CNIH3: variants seen among roughly 807,000 people sequenced by gnomAD.
The protein encoded by CNIH3 is protein cornichon homolog 3.
CNIH3 carries 14 observed loss-of-function variants against 24.1 expected under a neutral mutation model. The ratio of observed to expected loss-of-function variants is 0.58; its 90% CI spans 0.38 to 0.91. The LOEUF (loss-of-function observed/expected upper bound fraction) is 0.91. Among genes scored for constraint, CNIH3 ranks in the 40% least tolerant of loss-of-function variants. The pLI is 0.00. For missense variants in CNIH3, 178 were observed against 196.8 expected (o/e 0.90, Z 0.57); for synonymous variants, 68 against 73.8 (o/e 0.92, Z 0.40).
intron 1 of CNIH3, among the ~76,000 whole-genome samples, chr1:224,453,937 C>G (rs1321533752): frequency 1.3e-5 from 2 of 152,102 alleles, no homozygotes; most frequent in African/African-American, 4.8e-5. Flanking sequence ...TGTTTAGACA[C>G]TAGTCATATT....
rs1402868036 is a variant in CNIH3 at position 224,734,569 on chromosome 1, C to T, written c.318C>T (p.Phe106=). 2 of 1,614,014 alleles carry T rather than the reference C, an allele frequency of 1.2e-6. No homozygotes were observed. Among genetic ancestry groups the T allele is most frequent in the Non-Finnish European group, 8.5e-7 (1 of 1,179,984 alleles). Residue 106 remains phenylalanine (F), a synonymous_variant, in exon 5 of 6, where the codon TTC becomes TTT. Coordinates refer to ENST00000272133, the MANE Select transcript of CNIH3 (RefSeq NM_152495.2). ...ATGTCCTCTCTCCCTGCAGGTATTT[C>T]CACTGTCCAGCAGATAGCTCAGAAC... ...PLLFYHFWRY[F]HCPADSSELA...
chr1:224,472,628 A>G (rs1264578629), intron 1 of CNIH3, among the ~76,000 whole-genome samples: 1 of 152,150 alleles, frequency 6.6e-6, no homozygotes, highest in Non-Finnish European at 1.5e-5. Flanking sequence ...GACTTTGGGG[A>G]CCTGGGGAAA....
intron 1 of CNIH3, among the ~76,000 whole-genome samples, chr1:224,501,468 G>A (rs909955769): frequency 6.7e-6 from 1 of 150,112 alleles, no homozygotes; most frequent in Admixed American, 6.6e-5. Context: ...AATTGCCCAA[G>A]GTCACATGCT....
chr1:224,624,932 T>C (rs1378061191), intron 1 of CNIH3, among the ~76,000 whole-genome samples: 1 of 152,202 alleles, frequency 6.6e-6, no homozygotes, highest in African/African-American at 2.4e-5. Context: ...CCCGACTGGC[T>C]CTGCTGCAGC....
intron 1 of CNIH3, chr1:224,454,392 G>A (rs1172877900): frequency 1.2e-6 from 1 of 840,150 alleles, no homozygotes; most frequent in African/African-American, 1.9e-5. Flanking sequence ...TAATTGAAAT[G>A]TCATAAACCA....
At chr1:224,570,434 C>G (rs1680768798) in intron 4 of CNIH3, among the ~76,000 whole-genome samples, 2 of 152,192 alleles carry the variant, frequency 1.3e-5, no homozygotes, top group South Asian at 4.1e-4. Context: ...TTTTCTGTTT[C>G]TGCATTAATT....
chr1:224,571,374 G>T (rs576303496), intron 4 of CNIH3, among the ~76,000 whole-genome samples: 2 of 152,284 alleles, frequency 1.3e-5, no homozygotes, highest in South Asian at 4.1e-4. Flanking sequence ...CAAAACATAT[G>T]AAATAACAGA....
chr1:224,481,745 C>T (rs1296292250), intron 1 of CNIH3, among the ~76,000 whole-genome samples: 2 of 152,220 alleles, frequency 1.3e-5, no homozygotes, highest in African/African-American at 4.8e-5. Flanking sequence ...CTGCTGTAAC[C>T]ACTACCTGGC....
At chr1:224,706,022 A>G (rs924584331) in intron 3 of CNIH3, among the ~76,000 whole-genome samples, 2 of 151,902 alleles carry the variant, frequency 1.3e-5, no homozygotes, top group African/African-American at 4.8e-5. Flanking sequence ...ACTAGGCAGC[A>G]CTGCATTTTT....
At chr1:224,531,505 G>A (rs1679069012) in intron 2 of CNIH3, among the ~76,000 whole-genome samples, 1 of 152,216 alleles carries the variant, frequency 6.6e-6, no homozygotes, top group Non-Finnish European at 1.5e-5. Flanking sequence ...AGGTCATAGG[G>A]AATGTGGTAC....
intron 1 of CNIH3, among the ~76,000 whole-genome samples, chr1:224,506,074 G>A (rs1677896625): frequency 6.6e-6 from 1 of 152,036 alleles, no homozygotes; most frequent in Non-Finnish European, 1.5e-5. Context: ...AAGGAATCTT[G>A]GTTTATACAA....
intron 1 of CNIH3, among the ~76,000 whole-genome samples, chr1:224,645,471 C>T (rs1684557525): frequency 6.6e-6 from 1 of 152,268 alleles, no homozygotes; most frequent in South Asian, 2.1e-4. Flanking sequence ...GTGGAAGATG[C>T]TGAGCCAGCG....
intron 1 of CNIH3, among the ~76,000 whole-genome samples, chr1:224,630,579 G>C (rs956602290): frequency 2.0e-5 from 3 of 152,208 alleles, no homozygotes; most frequent in African/African-American, 7.2e-5. Flanking sequence ...ATTTTGTGGA[G>C]GATAGAATTT....
Position 224,458,466 on chromosome 1 carries a change from C to T in CNIH3, n.203+23604C>T, listed in dbSNP as rs1048503600. Among the ~76,000 whole-genome samples, 2 of 152,186 alleles carry T rather than the reference C, an allele frequency of 1.3e-5. No homozygotes were observed. The highest frequency in any genetic ancestry group is 2.9e-5 in the Non-Finnish European group (2 of 68,024). On this transcript the variant is annotated intron_variant and non_coding_transcript_variant, in intron 1 of 5. Coordinates refer to the CNIH3 transcript ENST00000471578. The surrounding 1 kb of genome is among the most constrained non-coding windows in gnomAD (Gnocchi z 4.3). ...AAGGCAGATGCTCCCCAGCTCCTGA[C>T]ATCAGAGAGAAGGGCTGGGATTGTG...
rs1226773432 is a variant in CNIH3 at position 224,730,533 on chromosome 1, G to T, written c.270G>T (p.Thr90=). The T allele has an allele frequency of 2.6e-6, 4 of 1,560,144 alleles. No individual in the cohort carries two copies. Among genetic ancestry groups the T allele is most frequent in the Non-Finnish European group, 3.5e-6 (4 of 1,150,740 alleles). Residue 90 remains threonine, a synonymous_variant, in exon 4 of 6, where the codon ACG becomes ACT. Coordinates refer to ENST00000272133, the MANE Select transcript of CNIH3 (RefSeq NM_152495.2). Reference sequence around the variant, plus strand: ...TCCTGTGTGCGCAAGAGTGGCTCACGCTGGGGCTGAATGTCCCTCTACTTT... The same window carrying T: ...TCCTGTGTGCGCAAGAGTGGCTCACTCTGGGGCTGAATGTCCCTCTACTTT... ...IMFLCAQEWL[T]LGLNVPLLFY...
chr1:224,621,738 A>G (rs1185867696), intron 1 of CNIH3, among the ~76,000 whole-genome samples: 1 of 152,218 alleles, frequency 6.6e-6, no homozygotes, highest in Non-Finnish European at 1.5e-5. Flanking sequence ...GTTTGGTATA[A>G]ATACTCATAG....
intron 2 of CNIH3, among the ~76,000 whole-genome samples, chr1:224,535,748 C>T (rs916142540): frequency 2.0e-5 from 3 of 152,150 alleles, no homozygotes; most frequent in African/African-American, 7.2e-5. Flanking sequence ...GGGCTGCTGC[C>T]ACTGGGGCTG....
At chr1:224,443,684 T>TAG (rs1553366406) in intron 1 of CNIH3, among the ~76,000 whole-genome samples, 11 of 103,980 alleles carry the variant, frequency 1.1e-4, no homozygotes, top group African/African-American at 3.1e-4. Context: ...GATAGATAGA[T>TAG]ATCTATAGAT....
Position 224,731,831 on chromosome 1 carries a change from G to C in CNIH3, c.311+1257G>C, listed in dbSNP as rs371926195. Among the ~76,000 whole-genome samples, 17 of 152,362 alleles carry C rather than the reference G, an allele frequency of 1.1e-4. No individual in the cohort carries two copies. The South Asian group carries it at 3.5e-3, about 32-fold the overall frequency. On this transcript the variant is annotated intron_variant, in intron 4 of 5. Coordinates refer to ENST00000272133, the MANE Select transcript of CNIH3 (RefSeq NM_152495.2). The stretch of plus-strand genomic sequence containing the variant: ...GGCCCAGCATGTGCAAAGGCCCAGA[G>C]TTAAGAGAACACTTGTTGTGTTTGG...
Sources: allele counts gnomAD v4.1 joint callset (sites outside exome capture counted in the v4.1 genomes callset), GRCh38; gene constraint gnomAD v4.1.1; non-coding constraint Gnocchi (gnomAD v3.1); transcripts MANE v1.5; gene names NCBI Gene and HGNC (gene_info 2026-07-23, HGNC 2026-07-21).